CTNNA3: variants seen among roughly 807,000 people sequenced by gnomAD.
CTNNA3 encodes catenin alpha-3.
CTNNA3 carries 76 observed loss-of-function variants against 95.7 expected under a neutral mutation model. That is an observed-to-expected ratio of 0.79 (90% CI 0.66 to 0.96). CTNNA3 has a LOEUF of 0.96. Ranked by LOEUF, CTNNA3 falls within the 40% of genes least tolerant of loss-of-function variation. The probability of loss-of-function intolerance (pLI) is 0.00; values close to 1 mark genes in which losing one functional copy is unlikely to be tolerated. For synonymous variants in CTNNA3, 431 were observed against 374.4 expected, an observed-to-expected ratio of 1.15 and a Z score of -1.74; for missense variants, 1,191 against 1,089.8, an observed-to-expected ratio of 1.09 and a Z score of -1.31.
chr10:66,665,397 A>G (rs952333852), intron 9 of CTNNA3, among the ~76,000 whole-genome samples: 4 of 152,218 alleles, frequency 2.6e-5, no homozygotes, highest in African/African-American at 7.2e-5. Flanking sequence ...CTCTTTTGGT[A>G]TTTTACATAG....
At chr10:67,758,688 G>A (rs950478425) in intron 1 of CTNNA3, among the ~76,000 whole-genome samples, 2 of 151,890 alleles carry the variant, frequency 1.3e-5, no homozygotes, top group Non-Finnish European at 2.9e-5. Context: ...GAGTTTTATA[G>A]GGAATCAATT....
At chr10:66,617,345 T>A (rs921852453) in intron 10 of CTNNA3, among the ~76,000 whole-genome samples, 3 of 151,410 alleles carry the variant, frequency 2.0e-5, no homozygotes, top group African/African-American at 7.3e-5. Flanking sequence ...CAGCAGCACA[T>A]CAAAAAGCTT....
chr10:67,739,999 C>T (rs867078296), intron 1 of CTNNA3, among the ~76,000 whole-genome samples: 16 of 151,920 alleles, frequency 1.1e-4, no homozygotes, highest in South Asian at 2.1e-4. Flanking sequence ...TCAGAAATAA[C>T]GCCGCATATC....
intron 5 of CTNNA3, among the ~76,000 whole-genome samples, chr10:67,303,137 G>T (rs955591986): frequency 6.6e-6 from 1 of 152,206 alleles, no homozygotes; most frequent in Non-Finnish European, 1.5e-5. Context: ...GTATAATGCA[G>T]TAACCAAGTG....
chr10:66,226,015 A>T (rs1365849064), intron 13 of CTNNA3, among the ~76,000 whole-genome samples: 2 of 152,070 alleles, frequency 1.3e-5, no homozygotes, highest in African/African-American at 2.4e-5. Flanking sequence ...TCTACAGGTT[A>T]CTTCTTCATT....
At chr10:67,714,694 CA>C (rs900828493) in intron 1 of CTNNA3, among the ~76,000 whole-genome samples, 1 of 152,092 alleles carries the variant, frequency 6.6e-6, no homozygotes, top group African/African-American at 2.4e-5. Flanking sequence ...TGAGAGGGGC[CA>C]GGGGTGAAAT....
rs116507123 is a variant in CTNNA3, at chr10:67,438,320, T to G, written c.579+83522A>C. 5.0e-3 allele frequency among the ~76,000 whole-genome samples: 764 copies of G among 152,304 alleles called. 10 individuals are homozygous for G. The highest frequency in any genetic ancestry group is 0.017 in the African/African-American group (724 of 41,570). On this transcript the variant is annotated intron_variant, in intron 5 of 17. Transcript: ENST00000433211. The stretch of plus-strand genomic sequence containing the variant: ...AGAAATTTTTGAGAGTTTCATTCAC[T>G]GCTGAAATCTCTCAGGACAGTATCT...
chr10:67,740,782 C>A (rs1841332516), intron 1 of CTNNA3, among the ~76,000 whole-genome samples: 1 of 151,292 alleles, frequency 6.6e-6, no homozygotes, highest in South Asian at 2.1e-4. Context: ...CTACAAATAC[C>A]ATTTGACCCA....
chr10:66,225,012 C>T (rs1484933895), intron 13 of CTNNA3, among the ~76,000 whole-genome samples: 1 of 151,948 alleles, frequency 6.6e-6, no homozygotes, highest in African/African-American at 2.4e-5. Context: ...TTTATGACCT[C>T]AAAAATTTAT....
chr10:67,496,515 C>A (rs537359084), intron 5 of CTNNA3, among the ~76,000 whole-genome samples: 1 of 152,116 alleles, frequency 6.6e-6, no homozygotes, highest in Non-Finnish European at 1.5e-5. Flanking sequence ...GAGGTTCTCA[C>A]CCCTCTGTTG....
At chr10:66,044,358 A>G (rs923864913) in intron 15 of CTNNA3, among the ~76,000 whole-genome samples, 6 of 152,208 alleles carry the variant, frequency 3.9e-5, no homozygotes, top group Non-Finnish European at 8.8e-5. Context: ...AGAAAAATCA[A>G]AAGCAAATCA....
At chr10:66,032,508 G>T (rs1190688579) in intron 15 of CTNNA3, among the ~76,000 whole-genome samples, 1 of 152,060 alleles carries the variant, frequency 6.6e-6, no homozygotes, top group Non-Finnish European at 1.5e-5. Flanking sequence ...TGAAGCTACG[G>T]TCTCCTTAAG....
At chr10:66,237,455 GCTGA>G (rs2132028578) in intron 13 of CTNNA3, among the ~76,000 whole-genome samples, 1 of 150,614 alleles carries the variant, frequency 6.6e-6, no homozygotes, top group Admixed American at 6.7e-5. Context: ...GGCCCGAAAT[GCTGA>G]CTATTTAATA....
intron 3 of CTNNA3, among the ~76,000 whole-genome samples, chr10:67,583,201 T>C (rs1842476898): frequency 6.6e-6 from 1 of 152,196 alleles, no homozygotes; most frequent in Non-Finnish European, 1.5e-5. Context: ...TGGTACCGGT[T>C]GTTCCTTTCC....
chr10:67,021,032 A>T (rs1022040303), intron 7 of CTNNA3, among the ~76,000 whole-genome samples: 1 of 152,212 alleles, frequency 6.6e-6, no homozygotes, highest in South Asian at 2.1e-4. Context: ...TTGACAGTTA[A>T]CAGGTATTAA....
intron 7 of CTNNA3, among the ~76,000 whole-genome samples, chr10:67,050,398 G>C (rs1855011220): frequency 6.6e-6 from 1 of 151,906 alleles, no homozygotes; most frequent in South Asian, 2.1e-4. Context: ...GATGTAATTT[G>C]AAAATATAAG....
chr10:66,750,443 G>A (rs569220140), intron 9 of CTNNA3, among the ~76,000 whole-genome samples: 15 of 152,194 alleles, frequency 9.9e-5, no homozygotes, highest in Non-Finnish European at 1.9e-4. Context: ...TGGATGTCCA[G>A]TTGTTTCAGC....
At position 67,219,461 on chromosome 10, in the gene CTNNA3, T is replaced by C. The variant is rs1864546075; in HGVS notation, c.843+146A>G. On this transcript the variant is annotated intron_variant, in intron 6 of 17. Transcript: ENST00000433211. ...AGTACTTTCCTGTTAATCAATTCTTTGGAAGACTCAAGAAGGTGATAGAGA... is the reference window on the plus strand; with the variant it reads ...AGTACTTTCCTGTTAATCAATTCTTCGGAAGACTCAAGAAGGTGATAGAGA... 1.2e-5 allele frequency: 10 copies of C among 808,530 alleles called. No individual in the cohort carries two copies. The Admixed American group carries it at 2.3e-4, about 19-fold the overall frequency. 50.1% of individuals were successfully genotyped at this position (808,530 alleles called of 1,614,324 possible). A position where few individuals can be genotyped will look rare whatever the true frequency, so the allele number is the denominator to read the frequency against.
chr10:66,390,574 G>T lies in CTNNA3; in HGVS notation c.1532-11222C>A, dbSNP rs181011983. On this transcript the variant is annotated intron_variant, in intron 11 of 17. Coordinates refer to ENST00000433211, the MANE Select transcript of CTNNA3 (RefSeq NM_013266.4). ...AAAAGTTTCCATTTTTGCATACCTG[G>T]CTCCATAGCTATAAATTAAAAACAC... 2.6e-3 allele frequency among the ~76,000 whole-genome samples: 402 copies of T among 152,090 alleles called. 2 individuals are homozygous for T. Among genetic ancestry groups the T allele is most frequent in the African/African-American group, 9.3e-3 (384 of 41,508 alleles).
Sources: allele counts gnomAD v4.1 joint callset (sites outside exome capture counted in the v4.1 genomes callset), GRCh38; gene constraint gnomAD v4.1.1; transcripts MANE v1.5; gene names NCBI Gene and HGNC (gene_info 2026-07-23, HGNC 2026-07-21).